The following POLN variants were observed in gnomAD, a reference collection of about 807,000 sequenced individuals.
POLN encodes DNA polymerase nu, also known as DNA polymerase N.
POLN carries 108 observed loss-of-function variants against 113.5 expected under a neutral mutation model. That is an observed-to-expected ratio of 0.95 (90% CI 0.81 to 1.12). The LOEUF is 1.12. Among genes scored for constraint, POLN ranks in the 50% most tolerant of loss-of-function variants. The pLI, the probability that POLN is intolerant of heterozygous loss-of-function variation, is 0.00. For synonymous variants in POLN, 386 were observed against 391.5 expected, an observed-to-expected ratio of 0.99 and a Z score of 0.17; for missense variants, 1,097 against 1,077.1, an observed-to-expected ratio of 1.02 and a Z score of -0.26.
At chr4:2,236,185 A>AT (rs746368469) in intron 2 of POLN, 20 of 1,217,584 alleles carry the variant, frequency 1.6e-5, no homozygotes, top group Non-Finnish European at 2.1e-5. Context: ...TACAACAAGC[A>AT]TTTTTTTAAA....
chr4:2,086,175 A>G (rs1387334771), intron 20 of POLN, among the ~76,000 whole-genome samples: 1 of 152,142 alleles, frequency 6.6e-6, no homozygotes, highest in East Asian at 1.9e-4. Flanking sequence ...CTGCTGGTAG[A>G]AATGTCTCTG....
At chr4:2,208,718 G>A (rs1053992156) in intron 4 of POLN, among the ~76,000 whole-genome samples, 3 of 152,144 alleles carry the variant, frequency 2.0e-5, no homozygotes, top group African/African-American at 7.2e-5. Context: ...AGCCAGGCGT[G>A]GTGGCTCACG....
At chr4:2,121,790 C>A (rs1297527174) in intron 19 of POLN, among the ~76,000 whole-genome samples, 1 of 148,736 alleles carries the variant, frequency 6.7e-6, no homozygotes, top group East Asian at 2.0e-4. Flanking sequence ...AAAGAGCTAA[C>A]TTTTTTTTTT....
Position 2,241,750 on chromosome 4 carries a change from C to T in POLN, c.-243G>A. ...TACACCAGACGCGCCAGCGGCAAAACCTTCCTTCGGAGGGTCACCCAGCTG... is the reference window on the plus strand; with the variant it reads ...TACACCAGACGCGCCAGCGGCAAAATCTTCCTTCGGAGGGTCACCCAGCTG... On this transcript the variant is annotated 5_prime_UTR_variant, in exon 2 of 26. Coordinates refer to ENST00000511885, the MANE Select transcript of POLN (RefSeq NM_181808.4). The T allele has an allele frequency of 1.0e-6, 1 of 985,494 alleles. No homozygotes were observed. Among genetic ancestry groups the T allele is most frequent in the Non-Finnish European group, 1.2e-6 (1 of 829,952 alleles). 61.0% of individuals were successfully genotyped at this position (985,494 alleles called of 1,614,324 possible).
Position 2,198,698 on chromosome 4 carries a change from C to T in POLN, c.734G>A (p.Arg245Lys), listed in dbSNP as rs1486041166. ...GCGTTTTACTAACACCACAATTCCT[C>T]TAACAGAAGAAACGGGGGTCTGTGG... Reference protein sequence around the residue: ...GADQTPVSSVRGIVVLVKRQA... With the variant: ...GADQTPVSSVKGIVVLVKRQA... The change falls in exon 6 of 26, where the codon AGA becomes AAA. Residue 245 changes from arginine to lysine, a missense_variant. By Grantham distance (26) the Arg-to-Lys change is conservative. Coordinates refer to ENST00000511885, the MANE Select transcript of POLN (RefSeq NM_181808.4). The T allele has an allele frequency of 3.7e-6, 6 of 1,609,226 alleles. No homozygotes were observed. The highest frequency in any genetic ancestry group is 5.1e-6 in the Non-Finnish European group (6 of 1,177,966).
rs536393928 is a variant in POLN, at chr4:2,193,422, T to C, written c.909-106A>G. On this transcript the variant is annotated intron_variant, in intron 6 of 25. Coordinates refer to ENST00000511885, the MANE Select transcript of POLN (RefSeq NM_181808.4). ...TAACAGCTATCACTTAGATAGCACA[T>C]ACACACATTCACTAAAGAATTCCAA... 4.7e-5 allele frequency: 31 copies of C among 654,054 alleles called. No homozygotes were observed. In the African/African-American group the frequency reaches 4.8e-4, roughly 10 times the overall value. 40.5% of individuals were successfully genotyped at this position (654,054 alleles called of 1,614,324 possible).
chr4:2,084,371 C>T (rs1730500740), intron 21 of POLN, among the ~76,000 whole-genome samples: 1 of 152,234 alleles, frequency 6.6e-6, no homozygotes, highest in African/African-American at 2.4e-5. Flanking sequence ...GAGGCTGGCA[C>T]AGCTCCCTTG....
intron 16 of POLN, among the ~76,000 whole-genome samples, chr4:2,145,498 TAAAC>T (rs1193714521): frequency 7.2e-5 from 11 of 151,752 alleles, no homozygotes; most frequent in African/African-American, 1.9e-4. Flanking sequence ...GCAAAAGAAA[TAAAC>T]AAGTGAGTCA....
intron 19 of POLN, among the ~76,000 whole-genome samples, chr4:2,120,898 G>A (rs907855864): frequency 6.6e-6 from 1 of 152,122 alleles, no homozygotes; most frequent in African/African-American, 2.4e-5. Context: ...CTGATTTTAG[G>A]TCTTGCAACC....
chr4:2,088,742 G>A, intron 20 of POLN: 2 of 1,189,020 alleles, frequency 1.7e-6, no homozygotes, highest in Non-Finnish European at 1.1e-6. Flanking sequence ...TTTTTTATTA[G>A]CTTTTACAAT....
rs1015356637 is a variant in POLN, at chr4:2,151,230, G to A, written c.1731+5558C>T. Among the ~76,000 whole-genome samples, 3 of 152,306 alleles carry A rather than the reference G, an allele frequency of 2.0e-5. No homozygotes were observed. In the East Asian group the frequency reaches 5.8e-4, roughly 29 times the overall value. ...ACATGGAAGGACTCTCAGCAGTAGT[G>A]ATCAGGGTAATGCAATGAAAACTGC... On this transcript the variant is annotated intron_variant, in intron 16 of 25. Transcript: ENST00000511885.
At chr4:2,124,032 T>C (rs1015447838) in intron 19 of POLN, among the ~76,000 whole-genome samples, 25 of 152,322 alleles carry the variant, frequency 1.6e-4, no homozygotes, top group African/African-American at 6.0e-4. Flanking sequence ...TGAAGTACTG[T>C]TAGCTCCTAC....
At chr4:2,115,918 T>C (rs142849581) in intron 19 of POLN, among the ~76,000 whole-genome samples, 5 of 152,358 alleles carry the variant, frequency 3.3e-5, no homozygotes, top group South Asian at 4.1e-4. Context: ...TTTTATAGCT[T>C]AGCTGTCAGC....
intron 3 of POLN, among the ~76,000 whole-genome samples, chr4:2,227,116 C>G (rs775811346): frequency 6.6e-6 from 1 of 152,184 alleles, no homozygotes; most frequent in African/African-American, 2.4e-5. Context: ...ACCAACAGAA[C>G]ACACCAAAGG....
intron 14 of POLN, among the ~76,000 whole-genome samples, 190 bp from the exon 15 acceptor site, chr4:2,158,101 G>A (rs1732483055): frequency 6.6e-6 from 1 of 152,054 alleles, no homozygotes; most frequent in African/African-American, 2.4e-5. Flanking sequence ...ACAGGCATGC[G>A]CCACCATGCT....
intron 8 of POLN, among the ~76,000 whole-genome samples, chr4:2,176,747 C>T (rs546434324): frequency 2.0e-5 from 3 of 152,266 alleles, no homozygotes; most frequent in East Asian, 3.9e-4. Flanking sequence ...GCTGCTGCCA[C>T]GTTCCACACT....
At chr4:2,149,754 C>G (rs987174784) in intron 16 of POLN, among the ~76,000 whole-genome samples, 2 of 152,140 alleles carry the variant, frequency 1.3e-5, no homozygotes, top group African/African-American at 4.8e-5. Context: ...TCACTGTACT[C>G]TAGCCTGGGC....
At position 2,197,691 on chromosome 4, in the gene POLN, G is replaced by T. The variant is rs60781610; in HGVS notation, c.908+833C>A. Reference sequence around the variant, plus strand: ...ACATAAAAAGAAAATGAAGGGTTCTGTTGGGAGCTGAATGCTATGTTTGTC... The same window carrying T: ...ACATAAAAAGAAAATGAAGGGTTCTTTTGGGAGCTGAATGCTATGTTTGTC... On this transcript the variant is annotated intron_variant, in intron 6 of 25. Coordinates refer to ENST00000511885, the MANE Select transcript of POLN (RefSeq NM_181808.4). 4.6e-3 allele frequency among the ~76,000 whole-genome samples: 702 copies of T among 152,308 alleles called. 6 individuals are homozygous for T. The highest frequency in any genetic ancestry group is 0.016 in the African/African-American group (670 of 41,566).
chr4:2,130,314 G>A (rs1347020697), intron 17 of POLN, among the ~76,000 whole-genome samples: 1 of 149,454 alleles, frequency 6.7e-6, no homozygotes, highest in African/African-American at 2.5e-5. Context: ...GGGGAGGGGA[G>A]GGGAGAGAAG....
Sources: gnomAD v4.1 joint callset for allele counts (sites outside exome capture counted in the v4.1 genomes callset) on GRCh38, gnomAD v4.1.1 for gene constraint, MANE v1.5 for transcripts, NCBI Gene and HGNC (gene_info 2026-07-23, HGNC 2026-07-21) for gene names.